NPFFR2: variants seen among roughly 807,000 people sequenced by gnomAD.
NPFFR2 encodes G-protein coupled receptor 74.
A neutral mutation model predicts 13.1 loss-of-function variants in NPFFR2; 15 were observed. That is an observed-to-expected ratio of 1.15 (90% CI 0.77 to 1.76). NPFFR2 has a LOEUF of 1.76. Ranked by LOEUF, NPFFR2 falls within the 40% of genes most tolerant of loss-of-function variation. The pLI, the probability that NPFFR2 is intolerant of heterozygous loss-of-function variation, is 0.00. For missense variants in NPFFR2, 572 were observed against 503.5 expected (o/e 1.14, Z -1.30); for synonymous variants, 190 against 175.7 (o/e 1.08, Z -0.65).
intron 1 of NPFFR2, among the ~76,000 whole-genome samples, chr4:72,055,038 C>T (rs999965819): frequency 6.6e-6 from 1 of 151,784 alleles, no homozygotes; most frequent in Non-Finnish European, 1.5e-5. Flanking sequence ...CAGTATAAAA[C>T]AGATACTATT....
chr4:72,128,802 A>T lies in NPFFR2; in HGVS notation c.211A>T (p.Met71Leu). The T allele has an allele frequency of 6.2e-7, 1 of 1,614,070 alleles. No individual in the cohort carries two copies. The highest frequency in any genetic ancestry group is 8.5e-7 in the Non-Finnish European group (1 of 1,179,954). ...MGNTVVCFIVMRNKHMHTVTN... is the reference protein window; with the variant it reads ...MGNTVVCFIVLRNKHMHTVTN... ...AAATACTGTGGTTTGCTTTATTGTA[A>T]TGAGGAACAAACATATGCACACAGT... Residue 71 changes from methionine to leucine, a missense_variant, in exon 2 of 4, where the codon ATG becomes TTG. Coordinates refer to ENST00000308744, the MANE Select transcript of NPFFR2 (RefSeq NM_004885.3).
chr4:72,056,628 G>A (rs1433881209), intron 1 of NPFFR2, among the ~76,000 whole-genome samples: 2 of 151,962 alleles, frequency 1.3e-5, no homozygotes, highest in Non-Finnish European at 2.9e-5. Context: ...ATGGACATGG[G>A]CAAAGTAAGC....
intron 1 of NPFFR2, among the ~76,000 whole-genome samples, chr4:72,034,927 C>T (rs1719007362): frequency 6.6e-6 from 1 of 152,182 alleles, no homozygotes; most frequent in African/African-American, 2.4e-5. Context: ...TACAAGACTT[C>T]TAAAAGTAAA....
Position 72,112,258 on chromosome 4 carries a change from T to TCA in NPFFR2, c.-7-16326_-7-16325dup, listed in dbSNP as rs1721586011. ...ACACTTTAAGAAGTGGGAGGGAGGA[T>TCA]CAGAGCAGCTCCCCACCTTCCAAAT... On this transcript the variant is annotated intron_variant, in intron 1 of 3. Transcript: ENST00000308744. Among the ~76,000 whole-genome samples, 3 of 137,092 alleles carry TCA rather than the reference T, an allele frequency of 2.2e-5. No homozygotes were observed. In the South Asian group the frequency reaches 7.3e-4, roughly 33 times the overall value. 89.9% of individuals were successfully genotyped at this position (137,092 alleles called of 152,430 possible).
At chr4:72,114,825 G>A (rs1456052507) in intron 1 of NPFFR2, among the ~76,000 whole-genome samples, 2 of 152,018 alleles carry the variant, frequency 1.3e-5, no homozygotes, top group African/African-American at 4.8e-5. Context: ...ATAGCACAAA[G>A]GTTACCATAA....
intron 1 of NPFFR2, among the ~76,000 whole-genome samples, chr4:72,036,326 C>T (rs977464467): frequency 6.6e-6 from 1 of 151,824 alleles, no homozygotes; most frequent in Non-Finnish European, 1.5e-5. Context: ...ATCAAAGTAC[C>T]AATTTCTGTA....
chr4:72,062,840 G>T (rs1479201403), intron 1 of NPFFR2, among the ~76,000 whole-genome samples: 1 of 152,130 alleles, frequency 6.6e-6, no homozygotes, highest in South Asian at 2.1e-4. Flanking sequence ...TGTGAGAGAG[G>T]CCAGTTGAAA....
At chr4:72,126,145 A>G (rs1722038129) in intron 1 of NPFFR2, among the ~76,000 whole-genome samples, 1 of 152,254 alleles carries the variant, frequency 6.6e-6, no homozygotes, top group African/African-American at 2.4e-5. Flanking sequence ...CATATGATAT[A>G]CTTGCATCTC....
chr4:72,129,299 A>G (rs896956118), intron 2 of NPFFR2, among the ~76,000 whole-genome samples: 2 of 149,668 alleles, frequency 1.3e-5, no homozygotes, highest in South Asian at 4.4e-4. Context: ...AAAGAAAAAG[A>G]CACAGAGACA....
At chr4:72,056,855 T>C (rs552684710) in intron 1 of NPFFR2, among the ~76,000 whole-genome samples, 1 of 151,998 alleles carries the variant, frequency 6.6e-6, no homozygotes, top group Non-Finnish European at 1.5e-5. Flanking sequence ...CCTGAAGATG[T>C]GTCTCAATTG....
At chr4:72,076,386 T>C (rs1720438351) in intron 1 of NPFFR2, among the ~76,000 whole-genome samples, 3 of 152,240 alleles carry the variant, frequency 2.0e-5, no homozygotes, top group Admixed American at 2.0e-4. Flanking sequence ...CTAACAAAAG[T>C]TGATTTTTAT....
chr4:72,109,277 A>G (rs956964260), intron 1 of NPFFR2, among the ~76,000 whole-genome samples: 3 of 151,996 alleles, frequency 2.0e-5, no homozygotes, highest in South Asian at 2.1e-4. Flanking sequence ...CTTTATTCCA[A>G]TTGAAGAACT....
intron 1 of NPFFR2, among the ~76,000 whole-genome samples, chr4:72,054,192 T>G (rs1450304317): frequency 6.6e-6 from 1 of 151,920 alleles, no homozygotes; most frequent in Non-Finnish European, 1.5e-5. Flanking sequence ...ACAACAATTT[T>G]TTTTAAATGA....
At chr4:72,057,676 A>C (rs866519508) in intron 1 of NPFFR2, among the ~76,000 whole-genome samples, 4 of 152,010 alleles carry the variant, frequency 2.6e-5, no homozygotes, top group African/African-American at 9.7e-5. Flanking sequence ...CAGGTGGACA[A>C]ATCTTTGGAG....
chr4:72,077,582 A>G (rs555251412), intron 1 of NPFFR2, among the ~76,000 whole-genome samples: 1 of 152,254 alleles, frequency 6.6e-6, no homozygotes, highest in South Asian at 2.1e-4. Flanking sequence ...ATTAATTAGC[A>G]TTCCTAAAAG....
intron 1 of NPFFR2, among the ~76,000 whole-genome samples, chr4:72,085,774 A>G (rs750791752): frequency 6.6e-6 from 1 of 152,164 alleles, no homozygotes; most frequent in Non-Finnish European, 1.5e-5. Flanking sequence ...CCCACTCTTC[A>G]GCACATGATT....
rs373635319 is a variant in NPFFR2, at chr4:72,112,871, C to T, written c.-7-15714C>T. 1.4e-4 allele frequency among the ~76,000 whole-genome samples: 22 copies of T among 151,982 alleles called. No homozygotes were observed. In the East Asian group the frequency reaches 2.1e-3, roughly 15 times the overall value. ...AGGGTTGCTATGCTTCTACTTTTAC[C>T]GGTTATATAGATTAATTATTATACC... On this transcript the variant is annotated intron_variant, in intron 1 of 3. Transcript: ENST00000308744.
chr4:72,123,156 A>G (rs554887332), intron 1 of NPFFR2, among the ~76,000 whole-genome samples: 2 of 152,356 alleles, frequency 1.3e-5, no homozygotes, highest in South Asian at 4.1e-4. Context: ...AATAAACTAG[A>G]AAATCTAGAA....
chr4:72,068,879 C>A, intron 1 of NPFFR2: 1 of 578,638 alleles, frequency 1.7e-6, no homozygotes, highest in Non-Finnish European at 2.9e-6. Context: ...CTGCATGGCT[C>A]TAGACACATA....
Sources: allele counts gnomAD v4.1 joint callset (sites outside exome capture counted in the v4.1 genomes callset), GRCh38; gene constraint gnomAD v4.1.1; transcripts MANE v1.5; gene names NCBI Gene and HGNC (gene_info 2026-07-23, HGNC 2026-07-21).